KAT14: variants seen among roughly 807,000 people sequenced by gnomAD.
KAT14 encodes the protein cysteine-rich protein 2-binding protein.
KAT14 carries 66 observed loss-of-function variants against 78.4 expected under a neutral mutation model. The ratio of observed to expected loss-of-function variants is 0.84; its 90% CI spans 0.69 to 1.03. KAT14 has a LOEUF of 1.03. KAT14 is among the 50% of genes least tolerant of loss of function. The pLI is 0.00. For missense variants in KAT14, 870 were observed against 972.5 expected (o/e 0.89, Z 1.40); for synonymous variants, 344 against 359.4 (o/e 0.96, Z 0.48).
chr20:18,174,042 T>C (rs1301448547), intron 7 of KAT14, among the ~76,000 whole-genome samples: 1 of 152,266 alleles, frequency 6.6e-6, no homozygotes, highest in Non-Finnish European at 1.5e-5. Context: ...ATTTATGTAC[T>C]CTGGACATTT....
intron 9 of KAT14, 62 bp from the exon 10 acceptor site, chr20:18,184,540 C>G (rs1568676492): frequency 4.2e-6 from 6 of 1,444,870 alleles, no homozygotes; most frequent in Non-Finnish European, 5.6e-6. Flanking sequence ...TGCTGAACAG[C>G]TTGGTGTTCC....
At chr20:18,182,001 C>T (rs1450431957) in intron 8 of KAT14, among the ~76,000 whole-genome samples, 155 bp downstream of exon 8, 1 of 152,178 alleles carries the variant, frequency 6.6e-6, no homozygotes, top group African/African-American at 2.4e-5. Context: ...CAGTTTTGTC[C>T]TTTGCTTGTT....
Position 18,184,622 on chromosome 20 carries a change from C to T in KAT14, c.2002C>T (p.Leu668=), listed in dbSNP as rs1484899682. The change falls in exon 10 of 11, where the codon CTG becomes TTG. Residue 668 remains leucine, a synonymous_variant. Transcript: ENST00000688188. ...FWPGIDLSEC[L]QYPDFSVVVL... ...TTTAGGCATTGACCTGTCTGAGTGT[C>T]TGCAGTACCCAGACTTCAGTGTTGT... The T allele has an allele frequency of 1.2e-6, 2 of 1,612,440 alleles. No homozygotes were observed. The highest frequency in any genetic ancestry group is 2.7e-5 in the African/African-American group (2 of 74,670).
At chr20:18,183,768 A>C (rs1260263787) in intron 9 of KAT14, among the ~76,000 whole-genome samples, 2 of 152,242 alleles carry the variant, frequency 1.3e-5, no homozygotes, top group Non-Finnish European at 2.9e-5. Flanking sequence ...AACCCAATAT[A>C]ATTTGTCATT....
At chr20:18,183,417 C>G in intron 9 of KAT14, 119 bp downstream of exon 9, 1 of 1,379,874 alleles carries the variant, frequency 7.2e-7, no homozygotes, top group Non-Finnish European at 9.4e-7. Context: ...TTTAGTTTGT[C>G]TCTGCTAACA....
chr20:18,156,048 T>C (rs2038213847), intron 4 of KAT14, among the ~76,000 whole-genome samples: 1 of 152,192 alleles, frequency 6.6e-6, no homozygotes, highest in Non-Finnish European at 1.5e-5. Context: ...GTGGATATCA[T>C]TCAGTCTTAA....
intron 7 of KAT14, among the ~76,000 whole-genome samples, chr20:18,164,869 G>A (rs575414440): frequency 4.6e-5 from 7 of 151,724 alleles, no homozygotes; most frequent in South Asian, 2.1e-4. Context: ...TCGAGTGATC[G>A]CCTCAGCCTC....
At chr20:18,138,231 G>A (rs2037374065) in intron 1 of KAT14, 180 bp downstream of exon 1, 2 of 1,251,026 alleles carry the variant, frequency 1.6e-6, no homozygotes, top group Admixed American at 8.6e-5. Context: ...GGCTCCGGGC[G>A]CTGCAGCTCC....
chr20:18,177,686 A>G (rs980916537), intron 7 of KAT14, among the ~76,000 whole-genome samples: 2 of 152,210 alleles, frequency 1.3e-5, no homozygotes, highest in Non-Finnish European at 2.9e-5. Context: ...TTTCTAGGTT[A>G]AGAGCAAACT....
At chr20:18,138,385 C>CA (rs1192047433) in intron 1 of KAT14, 19 of 1,049,616 alleles carry the variant, frequency 1.8e-5, no homozygotes, top group Non-Finnish European at 2.2e-5. Context: ...TTTCAAGTCA[C>CA]AGCCGGCCCG....
intron 4 of KAT14, among the ~76,000 whole-genome samples, chr20:18,157,419 C>T (rs958084810): frequency 6.6e-6 from 1 of 152,120 alleles, no homozygotes; most frequent in Non-Finnish European, 1.5e-5. Context: ...AATGAGGTCT[C>T]ACTATGTTGC....
At chr20:18,164,034 G>C (rs1020155434) in intron 7 of KAT14, among the ~76,000 whole-genome samples, 1 of 152,252 alleles carries the variant, frequency 6.6e-6, no homozygotes, top group African/African-American at 2.4e-5. Flanking sequence ...GAGCCGTAGT[G>C]AATGAGTGTG....
intron 5 of KAT14, 113 bp from the exon 6 acceptor site, chr20:18,161,710 A>G (rs1186704618): frequency 2.8e-5 from 39 of 1,408,730 alleles, no homozygotes; most frequent in Non-Finnish European, 3.3e-5. Flanking sequence ...TACTCAGCCA[A>G]TAAGTAAAAT....
At chr20:18,177,381 G>T (rs1198826359) in intron 7 of KAT14, among the ~76,000 whole-genome samples, 1 of 152,208 alleles carries the variant, frequency 6.6e-6, no homozygotes. Flanking sequence ...GTCCCAGAAA[G>T]TTATTTCTGC....
chr20:18,142,138 G>A (rs965112022), intron 1 of KAT14, 70 bp from the exon 2 acceptor site: 4 of 1,440,948 alleles, frequency 2.8e-6, no homozygotes, highest in Non-Finnish European at 3.7e-6. Flanking sequence ...CTGTTATTTG[G>A]ATTTGAATGG....
chr20:18,179,122 G>A (rs1030548831), intron 7 of KAT14, among the ~76,000 whole-genome samples: 2 of 152,244 alleles, frequency 1.3e-5, no homozygotes, highest in African/African-American at 4.8e-5. Flanking sequence ...GCAAAAGGTA[G>A]GTTCTCAGAG....
In KAT14 at chr20:18,142,682, A is replaced by C. The variant is rs1241217824; in HGVS notation, c.22A>C (p.Ser8Arg). The change falls in exon 2 of 11, where the codon AGT becomes CGT. Residue 8 changes from serine to arginine, a missense_variant. Transcript: ENST00000688188. MDSSIHL[S>R]SLISRHDDEA... is the part of the protein sequence containing the mutation. ...AGGGATGGATAGTAGCATCCACCTG[A>C]GTAGTCTGATCAGTCGGCATGATGA... The C allele has an allele frequency of 1.9e-6, 3 of 1,614,188 alleles. No homozygotes were observed. In the Admixed American group the frequency reaches 5.0e-5, roughly 27 times the overall value.
intron 9 of KAT14, among the ~76,000 whole-genome samples, chr20:18,184,268 C>T (rs1268784548): frequency 1.3e-5 from 2 of 152,130 alleles, no homozygotes; most frequent in East Asian, 1.9e-4. Context: ...ATTGCAGAAA[C>T]GGAGTCTCTG....
chr20:18,166,708 A>G (rs1027362551), intron 7 of KAT14, among the ~76,000 whole-genome samples: 2 of 152,124 alleles, frequency 1.3e-5, no homozygotes, highest in Non-Finnish European at 2.9e-5. Context: ...CCTCCTCTGT[A>G]TTTGATCTCC....
Sources: allele counts gnomAD v4.1 joint callset (sites outside exome capture counted in the v4.1 genomes callset), GRCh38; gene constraint gnomAD v4.1.1; transcripts MANE v1.5; gene names NCBI Gene and HGNC (gene_info 2026-07-23, HGNC 2026-07-21).